The following DST variants were observed in gnomAD, a reference collection of about 807,000 sequenced individuals.
The protein encoded by DST is dystonin, also known as bullous pemphigoid antigen.
Under a neutral mutation model 875.2 loss-of-function variants are expected in DST, and 253 were observed. The ratio of observed to expected loss-of-function variants is 0.29; its 90% confidence interval spans 0.26 to 0.32. The LOEUF is 0.32. DST is among the 10% of genes least tolerant of loss of function. The probability of loss-of-function intolerance (pLI) is 1.00; values close to 1 mark genes in which losing one functional copy is unlikely to be tolerated. For missense variants in DST, 8,287 were observed against 9,111.6 expected, an observed-to-expected ratio of 0.91 and a Z score of 3.68; for synonymous variants, 3,124 against 3,197.1, an observed-to-expected ratio of 0.98 and a Z score of 0.77.
At chr6:56,641,656 G>A (rs2098904595) in intron 17 of DST, among the ~76,000 whole-genome samples, 1 of 152,080 alleles carries the variant, frequency 6.6e-6, no homozygotes, top group Non-Finnish European at 1.5e-5. Flanking sequence ...TACTTTAAAT[G>A]TATGTAAATG....
At chr6:56,692,814 C>A (rs2099240535) in intron 9 of DST, 2 of 1,289,828 alleles carry the variant, frequency 1.6e-6, no homozygotes, top group Non-Finnish European at 2.0e-6. Flanking sequence ...CAGCACTCGG[C>A]AGAAGTTTCT....
At chr6:56,883,778 C>A (rs1783323124) in intron 3 of DST, among the ~76,000 whole-genome samples, 1 of 152,226 alleles carries the variant, frequency 6.6e-6, no homozygotes, top group Non-Finnish European at 1.5e-5. Context: ...TCCCCTACCC[C>A]ACCAGATGAT....
intron 2 of DST, among the ~76,000 whole-genome samples, chr6:56,952,122 A>T (rs984168754): frequency 2.0e-5 from 3 of 152,230 alleles, no homozygotes; most frequent in African/African-American, 7.2e-5. Flanking sequence ...CAAATACCAC[A>T]CAAAGATGTC....
intron 2 of DST, among the ~76,000 whole-genome samples, chr6:56,925,087 A>C (rs1279010368): frequency 6.6e-6 from 1 of 152,238 alleles, no homozygotes; most frequent in Non-Finnish European, 1.5e-5. Context: ...TGGTCATTTG[A>C]GTTTAAAGAA....
rs146622291 is a variant in DST at position 56,933,320 on chromosome 6, T to C, written c.216+20465A>G. On this transcript the variant is annotated intron_variant, in intron 2 of 103. Coordinates refer to ENST00000680361, the MANE Select transcript of DST (RefSeq NM_001374736.1). ...TGTGTAACCTCTGCATATTGATTTA[T>C]GATTTTGTCTGTAACTTCTGCTTTC... Among the ~76,000 whole-genome samples, 1,331 of 152,376 alleles carry C rather than the reference T, an allele frequency of 8.7e-3. 21 individuals carry two copies. The highest frequency in any genetic ancestry group is 0.03 in the African/African-American group (1,264 of 41,592).
At chr6:56,699,177 G>A (rs2099279420) in intron 9 of DST, among the ~76,000 whole-genome samples, 1 of 152,154 alleles carries the variant, frequency 6.6e-6, no homozygotes, top group African/African-American at 2.4e-5. Context: ...AATCTAAAGA[G>A]AGAAAGCACA....
chr6:56,793,224 G>A (rs2099734250), intron 4 of DST, among the ~76,000 whole-genome samples: 1 of 151,988 alleles, frequency 6.6e-6, no homozygotes, highest in Admixed American at 6.6e-5. Context: ...TTGTATGTTA[G>A]ATGGTATCAT....
Position 56,529,747 on chromosome 6 carries a change from T to C in DST, c.17296A>G (p.Asn5766Asp), listed in dbSNP as rs530170321. The C allele has an allele frequency of 7.8e-5, 124 of 1,593,246 alleles. 1 individual carries two copies. In the South Asian group the frequency reaches 1.3e-3, roughly 17 times the overall value. ...KALEDDIINH[N>D]KHLHQAVSIG... ...CTAACAGCCTGGTGTAAATGTTTAT[T>C]GTGATTGATGATGTCATCTTCTAAG... Residue 5766 changes from asparagine to aspartate, a missense_variant, in exon 66 of 104, where the codon AAT becomes GAT. Coordinates refer to ENST00000680361, the MANE Select transcript of DST (RefSeq NM_001374736.1).
intron 4 of DST, among the ~76,000 whole-genome samples, chr6:56,813,073 T>C (rs938061277): frequency 2.2e-4 from 33 of 152,214 alleles, no homozygotes; most frequent in African/African-American, 7.7e-4. Context: ...GATGAGTTCA[T>C]GTCCTTTGTA....
intron 4 of DST, among the ~76,000 whole-genome samples, chr6:56,765,371 T>C (rs914067130): frequency 6.6e-6 from 1 of 152,204 alleles, no homozygotes; most frequent in African/African-American, 2.4e-5. Flanking sequence ...GTAACAGAAC[T>C]TGCAAGTGTT....
At chr6:56,931,037 A>C (rs1374567000) in intron 2 of DST, among the ~76,000 whole-genome samples, 1 of 152,228 alleles carries the variant, frequency 6.6e-6, no homozygotes, top group Non-Finnish European at 1.5e-5. Flanking sequence ...CCTCACTGTC[A>C]GTCATTTATA....
chr6:56,784,722 A>G (rs1172281732), intron 4 of DST, among the ~76,000 whole-genome samples: 1 of 151,898 alleles, frequency 6.6e-6, no homozygotes, highest in African/African-American at 2.4e-5. Flanking sequence ...TCTTCTCTCA[A>G]CTCGTCAAAG....
At chr6:56,612,279 G>A (rs114940198) in intron 37 of DST, among the ~76,000 whole-genome samples, 355 of 152,340 alleles carry the variant, frequency 2.3e-3, no homozygotes, top group Non-Finnish European at 4.4e-3. Flanking sequence ...GGCTGAGACA[G>A]AATTGCTTGA....
chr6:56,489,465 A>G (rs768434309), intron 86 of DST, 25 bp downstream of exon 86: 1 of 1,602,688 alleles, frequency 6.2e-7, no homozygotes, highest in South Asian at 1.1e-5. Flanking sequence ...ATGAGACAAT[A>G]TGCTCTTCTT....
At chr6:56,800,487 A>G (rs1186859163) in intron 4 of DST, among the ~76,000 whole-genome samples, 1 of 152,204 alleles carries the variant, frequency 6.6e-6, no homozygotes, top group Non-Finnish European at 1.5e-5. Flanking sequence ...CAATAGCACA[A>G]TGAAAAACTC....
At chr6:56,881,475 AAAC>A (rs947685056) in intron 3 of DST, among the ~76,000 whole-genome samples, 3 of 152,102 alleles carry the variant, frequency 2.0e-5, no homozygotes, top group Non-Finnish European at 2.9e-5. Flanking sequence ...TCATCTCAAA[AAAC>A]AACAACAACA....
intron 4 of DST, among the ~76,000 whole-genome samples, chr6:56,783,740 G>A (rs1408907608): frequency 2.0e-5 from 3 of 152,084 alleles, no homozygotes; most frequent in Admixed American, 6.5e-5. Flanking sequence ...AGTTAATATT[G>A]TTATGTGTGA....
chr6:56,921,161 G>A (rs769537592), intron 2 of DST, among the ~76,000 whole-genome samples: 1 of 152,038 alleles, frequency 6.6e-6, no homozygotes, highest in Non-Finnish European at 1.5e-5. Context: ...TCAAAAATAT[G>A]AATTTGAATA....
At chr6:56,829,727 T>A (rs141875103) in intron 4 of DST, among the ~76,000 whole-genome samples, 1 of 152,160 alleles carries the variant, frequency 6.6e-6, no homozygotes, top group Non-Finnish European at 1.5e-5. Flanking sequence ...TAAAAGACCA[T>A]TAATTTTTTT....
Sources: allele counts gnomAD v4.1 joint callset (sites outside exome capture counted in the v4.1 genomes callset), GRCh38; gene constraint gnomAD v4.1.1; transcripts MANE v1.5; gene names NCBI Gene and HGNC (gene_info 2026-07-23, HGNC 2026-07-21).